The following GRM5 variants were observed in gnomAD, a reference collection of about 807,000 sequenced individuals.
GRM5 encodes the protein glutamate metabotropic receptor 5, also known as metabotropic glutamate receptor 5.
GRM5 carries 19 observed loss-of-function variants against 83.1 expected under a neutral mutation model. The observed-to-expected ratio is 0.23, with a 90% CI of 0.16 to 0.34. GRM5 has a LOEUF of 0.34. Among genes scored for constraint, GRM5 ranks in the 10% least tolerant of loss-of-function variants. The pLI is 1.00. For synonymous variants in GRM5, 675 were observed against 633.6 expected (o/e 1.07, Z -0.98); for missense variants, 1,160 against 1,588.3 (o/e 0.73, Z 4.58).
chr11:88,984,890 A>T (rs1036788761), intron 2 of GRM5: 5 of 651,370 alleles, frequency 7.7e-6, no homozygotes, highest in Middle Eastern at 2.5e-4. Context: ...AAATCATGAA[A>T]ATAAATTTTA....
At chr11:88,615,299 C>A (rs1325560375) in intron 4 of GRM5, among the ~76,000 whole-genome samples, 3 of 152,072 alleles carry the variant, frequency 2.0e-5, no homozygotes, top group Admixed American at 1.3e-4. Flanking sequence ...GGAAAACCAA[C>A]AAAATACCAG....
intron 2 of GRM5, among the ~76,000 whole-genome samples, chr11:88,966,670 T>C (rs978217507): frequency 1.3e-5 from 2 of 152,110 alleles, no homozygotes; most frequent in African/African-American, 4.8e-5. Context: ...TGAAGAACCA[T>C]AGATAGACCT....
chr11:88,626,715 T>C (rs1280010037), intron 4 of GRM5, among the ~76,000 whole-genome samples: 1 of 152,160 alleles, frequency 6.6e-6, no homozygotes, highest in East Asian at 1.9e-4. Context: ...GAGATGAAGT[T>C]TTGGGAAGTA....
chr11:88,809,695 CAT>C (rs558331039), intron 3 of GRM5, among the ~76,000 whole-genome samples: 5 of 151,296 alleles, frequency 3.3e-5, no homozygotes, highest in African/African-American at 4.8e-5. Flanking sequence ...GCATTAAAGA[CAT>C]GTAAGATATG....
At chr11:88,868,421 C>A (rs73530802) in intron 2 of GRM5, among the ~76,000 whole-genome samples, 1 of 151,556 alleles carries the variant, frequency 6.6e-6, no homozygotes, top group East Asian at 1.9e-4. Flanking sequence ...GGATTAAATG[C>A]GATTTTGCAT....
intron 3 of GRM5, among the ~76,000 whole-genome samples, chr11:88,782,560 C>A (rs1044751532): frequency 6.6e-6 from 1 of 152,118 alleles, no homozygotes; most frequent in African/African-American, 2.4e-5. Flanking sequence ...CACAGTCAAA[C>A]CATATCAATG....
At chr11:88,872,795 AG>A (rs2135563398) in intron 2 of GRM5, among the ~76,000 whole-genome samples, 1 of 151,670 alleles carries the variant, frequency 6.6e-6, no homozygotes. Flanking sequence ...ATGTAAAAGA[AG>A]AAATGAAAAA....
chr11:88,600,535 A>T (rs1937954816), intron 5 of GRM5, among the ~76,000 whole-genome samples: 1 of 152,032 alleles, frequency 6.6e-6, no homozygotes, highest in African/African-American at 2.4e-5. Flanking sequence ...TTTAAAAATA[A>T]ATTTTATATA....
chr11:88,894,302 G>C (rs1191811011), intron 2 of GRM5, among the ~76,000 whole-genome samples: 1 of 151,968 alleles, frequency 6.6e-6, no homozygotes, highest in South Asian at 2.1e-4. Flanking sequence ...TGCATTTGCT[G>C]TCAGCCAGTC....
At chr11:88,779,862 G>A (rs1192066805) in intron 3 of GRM5, among the ~76,000 whole-genome samples, 1 of 152,156 alleles carries the variant, frequency 6.6e-6, no homozygotes, top group East Asian at 1.9e-4. Context: ...TCCTTCCCTT[G>A]TTCTTTGTCA....
At chr11:88,846,412 T>C (rs1745350489) in intron 3 of GRM5, among the ~76,000 whole-genome samples, 2 of 152,194 alleles carry the variant, frequency 1.3e-5, no homozygotes, top group Admixed American at 1.3e-4. Flanking sequence ...GATATTTTTA[T>C]TGGCAATGAG....
chr11:88,732,627 C>G (rs1401080109), intron 3 of GRM5, among the ~76,000 whole-genome samples: 1 of 151,910 alleles, frequency 6.6e-6, no homozygotes, highest in Non-Finnish European at 1.5e-5. Flanking sequence ...AGTTTCTTTT[C>G]CTGCTGTTCA....
chr11:88,546,412 T>C (rs1422159943), intron 8 of GRM5, among the ~76,000 whole-genome samples: 2 of 152,122 alleles, frequency 1.3e-5, no homozygotes, highest in African/African-American at 4.8e-5. Context: ...TTACTGAATG[T>C]GCTAATGAGT....
chr11:88,841,822 T>TA (rs565187857), intron 3 of GRM5, among the ~76,000 whole-genome samples: 188 of 152,200 alleles, frequency 1.2e-3, no homozygotes, highest in Non-Finnish European at 1.5e-3. Flanking sequence ...AAAGACATGA[T>TA]AAAAAAATGT....
chr11:89,049,196 G>A (rs1272686113), intron 1 of GRM5, among the ~76,000 whole-genome samples: 1 of 152,086 alleles, frequency 6.6e-6, no homozygotes, highest in Non-Finnish European at 1.5e-5. Flanking sequence ...AGGCTCAAAG[G>A]CTAAAAGGAT....
chr11:88,867,306 T>C (rs1303770019), intron 2 of GRM5, among the ~76,000 whole-genome samples: 1 of 151,806 alleles, frequency 6.6e-6, no homozygotes, highest in East Asian at 1.9e-4. Flanking sequence ...AAACTGTTAC[T>C]TCATTTGGGG....
rs756795613 is a variant in GRM5 at position 89,052,402 on chromosome 11, G to A, written c.-200-4330C>T. Among the ~76,000 whole-genome samples the A allele has an allele frequency of 3.6e-4, 55 of 152,076 alleles. 1 individual carries two copies. The highest frequency in any genetic ancestry group is 7.1e-4 in the Non-Finnish European group (48 of 68,016). On this transcript the variant is annotated intron_variant, in intron 1 of 9. Coordinates refer to ENST00000305447, the MANE Select transcript of GRM5 (RefSeq NM_001143831.3). ...ACCCAAAAAGTAAGATAAAGTGAGAGTAAATGACGTCATAGAGGGCAAAAA... is the reference window on the plus strand; with the variant it reads ...ACCCAAAAAGTAAGATAAAGTGAGAATAAATGACGTCATAGAGGGCAAAAA...
intron 2 of GRM5, among the ~76,000 whole-genome samples, chr11:88,870,565 T>C (rs1030566981): frequency 2.0e-5 from 3 of 151,500 alleles, no homozygotes; most frequent in Non-Finnish European, 4.4e-5. Flanking sequence ...AAGTAATGCA[T>C]AAAAAGAAAG....
At chr11:88,710,709 TGA>T (rs1473476702) in intron 3 of GRM5, among the ~76,000 whole-genome samples, 5 of 152,040 alleles carry the variant, frequency 3.3e-5, no homozygotes, top group African/African-American at 9.6e-5. Context: ...GTAGGTTTGT[TGA>T]GTGTGTGTGT....
Sources: gnomAD v4.1 joint callset for allele counts (sites outside exome capture counted in the v4.1 genomes callset) on GRCh38, gnomAD v4.1.1 for gene constraint, MANE v1.5 for transcripts, NCBI Gene and HGNC (gene_info 2026-07-23, HGNC 2026-07-21) for gene names.